The following VSIG1 variants were observed in gnomAD, a reference collection of about 807,000 sequenced individuals.
VSIG1 encodes V-set and immunoglobulin domain-containing protein 1.
A neutral mutation model predicts 20.1 loss-of-function variants in VSIG1; 11 were observed. The observed-to-expected ratio is 0.55, with a 90% CI of 0.34 to 0.91. The LOEUF is 0.91. Ranked by LOEUF, VSIG1 falls within the 40% of genes least tolerant of loss-of-function variation. The probability of loss-of-function intolerance (pLI) is 0.02; values close to 1 mark genes in which losing one functional copy is unlikely to be tolerated. For synonymous variants in VSIG1, 126 were observed against 116.7 expected, an observed-to-expected ratio of 1.08 and a Z score of -0.52; for missense variants, 283 against 298.8, an observed-to-expected ratio of 0.95 and a Z score of 0.39.
intron 2 of VSIG1, among the ~76,000 whole-genome samples, 182 bp from the exon 3 acceptor site, chrX:108,066,754 G>A (rs769108972): frequency 5.4e-5 from 6 of 111,715 alleles, no homozygotes; most frequent in East Asian, 2.8e-4. Context: ...GGCCAAATGC[G>A]CAGCTGTGAG....
chrX:108,075,746 A>C (rs1300445609), intron 5 of VSIG1, among the ~76,000 whole-genome samples: 1 of 111,707 alleles, frequency 9.0e-6, no homozygotes, highest in Admixed American at 9.5e-5. Context: ...GGGAAAGCCT[A>C]GTGAAATGTT....
chrX:108,054,236 G>A (rs937149327), intron 1 of VSIG1, among the ~76,000 whole-genome samples: 3 of 111,317 alleles, frequency 2.7e-5, no homozygotes, highest in African/African-American at 9.8e-5. Context: ...TCCTTAATGG[G>A]TACACACCAA....
Position 108,077,206 on chromosome X carries a change from C to T in VSIG1, c.989C>T (p.Pro330Leu), listed in dbSNP as rs922129248. Residue 330 changes from proline to leucine, a missense_variant, in exon 7 of 7, where the codon CCA (proline) becomes CTA (leucine). Transcript: ENST00000217957. ...YEPKPTQEPA[P>L]EPAPGSEPMA... ...CCAAAGCCTACTCAGGAGCCTGCCC[C>T]AGAGCCTGCCCCAGGATCAGAGCCT... is the stretch of plus-strand genomic sequence containing the variant. 1.7e-6 allele frequency: 2 copies of T among 1,211,999 alleles called. No homozygotes were observed. The highest frequency in any genetic ancestry group is 4.3e-5 in the Admixed American group (2 of 46,071).
the VSIG1 span, among the ~76,000 whole-genome samples, chrX:108,038,111 C>T: frequency 1.1e-3 from 126 of 111,077 alleles, no homozygotes; most frequent in African/African-American, 3.7e-3. Flanking sequence ...ACTTTAAGTT[C>T]CATGATACAT....
intron 1 of VSIG1, among the ~76,000 whole-genome samples, chrX:108,057,373 G>A (rs1341692489): frequency 8.9e-6 from 1 of 111,999 alleles, no homozygotes; most frequent in Non-Finnish European, 1.9e-5. Context: ...AGAATTAAAT[G>A]TGCATGTGCA....
intron 2 of VSIG1, among the ~76,000 whole-genome samples, chrX:108,060,122 C>T (rs746091206): frequency 4.5e-5 from 5 of 111,070 alleles, no homozygotes; most frequent in African/African-American, 6.6e-5. Context: ...TGGCCTGAGC[C>T]CAGAACATCT....
At chrX:108,061,482 C>A in intron 2 of VSIG1, 1 of 1,167,071 alleles carries the variant, frequency 8.6e-7, no homozygotes, top group Non-Finnish European at 1.1e-6. Context: ...CAGTCAGTGT[C>A]TAAAAATGAC....
intron 5 of VSIG1, among the ~76,000 whole-genome samples, chrX:108,074,221 G>A (rs2031309989): frequency 8.9e-6 from 1 of 111,935 alleles, no homozygotes; most frequent in Non-Finnish European, 1.9e-5. Context: ...CTCTTCCTAT[G>A]CACCTGAACT....
chrX:108,028,794 G>A, the VSIG1 span, among the ~76,000 whole-genome samples: 1 of 111,724 alleles, frequency 9.0e-6, no homozygotes, highest in African/African-American at 3.3e-5. Context: ...TAAGCGAAGG[G>A]TTAGAGAGAG....
the VSIG1 span, among the ~76,000 whole-genome samples, chrX:108,027,317 T>C: frequency 8.9e-6 from 1 of 112,229 alleles, no homozygotes; most frequent in Non-Finnish European, 1.9e-5. Context: ...TGGAATATTA[T>C]TTGGCCATAA....
chrX:108,030,789 T>C, the VSIG1 span, among the ~76,000 whole-genome samples: 1 of 111,796 alleles, frequency 8.9e-6, no homozygotes, highest in Non-Finnish European at 1.9e-5. Flanking sequence ...GGATCATTGG[T>C]GCAATCTCAT....
intron 1 of VSIG1, among the ~76,000 whole-genome samples, chrX:108,048,126 C>A (rs2030704457): frequency 9.6e-6 from 1 of 103,873 alleles, no homozygotes; most frequent in Non-Finnish European, 2.0e-5. Context: ...GCCTCAGCCT[C>A]CTGAGTAGCT....
chrX:108,037,994 G>A, the VSIG1 span, among the ~76,000 whole-genome samples: 263 of 112,035 alleles, frequency 2.3e-3, no homozygotes, highest in African/African-American at 7.9e-3. Context: ...CAAAGATCTA[G>A]AGAAGATGAG....
At chrX:108,032,835 T>C in the VSIG1 span, among the ~76,000 whole-genome samples, 1 of 111,746 alleles carries the variant, frequency 8.9e-6, no homozygotes, top group African/African-American at 3.3e-5. Context: ...CATCAACTTA[T>C]CCAACCACCC....
chrX:108,048,266 G>A (rs2030709656), intron 1 of VSIG1, among the ~76,000 whole-genome samples: 1 of 109,646 alleles, frequency 9.1e-6, no homozygotes, highest in East Asian at 2.9e-4. Flanking sequence ...GCCTCCCAAA[G>A]TGTTGGGATT....
intron 3 of VSIG1, among the ~76,000 whole-genome samples, chrX:108,072,253 A>AT (rs1003832528): frequency 3.7e-5 from 4 of 109,467 alleles, no homozygotes; most frequent in Non-Finnish European, 7.6e-5. Context: ...CATTTTAATA[A>AT]TTTTTTTTGT....
the VSIG1 span, among the ~76,000 whole-genome samples, chrX:108,032,763 A>G: frequency 1.2e-4 from 13 of 111,638 alleles, no homozygotes; most frequent in African/African-American, 3.9e-4. Flanking sequence ...TGGCTGCAGA[A>G]GGCTGAGCAA....
intron 1 of VSIG1, among the ~76,000 whole-genome samples, chrX:108,047,847 T>TATATATATACACATATATATATACAC (rs2030636076): frequency 8.3e-5 from 3 of 36,085 alleles, no homozygotes; most frequent in Non-Finnish European, 1.6e-4. Flanking sequence ...TATATATACA[T>TATATATATACACATATATATATACAC]ATATATATAC....
At position 108,063,501 on chromosome X, in the gene VSIG1, T is replaced by TTTTG. The variant is rs748324976; in HGVS notation, c.214-3423_214-3420dup. On this transcript the variant is annotated intron_variant, in intron 2 of 6. Transcript: ENST00000217957. ...TGTATTTCAGTCGGCCTGCCCAGTA[T>TTTTG]TTTGTTTGTTTGTTTCAACAGTTCG... Among the ~76,000 whole-genome samples, 609 of 111,449 alleles carry TTTTG rather than the reference T, an allele frequency of 5.5e-3. 6 individuals carry two copies. The highest frequency in any genetic ancestry group is 0.019 in the African/African-American group (570 of 30,607).
Sources: allele counts gnomAD v4.1 joint callset (sites outside exome capture counted in the v4.1 genomes callset), GRCh38; gene constraint gnomAD v4.1.1; transcripts MANE v1.5; gene names NCBI Gene and HGNC (gene_info 2026-07-23, HGNC 2026-07-21).